The following ACMSD variants were observed in gnomAD, a reference collection of about 807,000 sequenced individuals.
ACMSD encodes 2-amino-3-carboxymuconate-6-semialdehyde decarboxylase.
Under a neutral mutation model 45.9 loss-of-function variants are expected in ACMSD, and 37 were observed. The observed-to-expected ratio is 0.81, with a 90% CI of 0.62 to 1.06. The LOEUF (loss-of-function observed/expected upper bound fraction) is 1.06. Ranked by LOEUF, ACMSD falls within the 50% of genes least tolerant of loss-of-function variation. The pLI is 0.00. For synonymous variants in ACMSD, 138 were observed against 148.8 expected, an observed-to-expected ratio of 0.93 and a Z score of 0.53; for missense variants, 434 against 420.9, an observed-to-expected ratio of 1.03 and a Z score of -0.27.
At chr2:134,864,466 T>C (rs183575607) in intron 5 of ACMSD, among the ~76,000 whole-genome samples, 9 of 152,314 alleles carry the variant, frequency 5.9e-5, no homozygotes, top group African/African-American at 2.2e-4. Context: ...ATCTATATTT[T>C]AATGAACCTG....
intron 2 of ACMSD, among the ~76,000 whole-genome samples, chr2:134,847,443 GAT>G (rs781247414): frequency 7.0e-6 from 1 of 142,302 alleles, no homozygotes; most frequent in Admixed American, 7.1e-5. Context: ...TAGATAGATA[GAT>G]AGATATAGAT....
intron 3 of ACMSD, chr2:134,859,639 TGTATA>T (rs1687754886): frequency 7.5e-6 from 2 of 265,994 alleles, no homozygotes; most frequent in Non-Finnish European, 1.4e-5. Flanking sequence ...TTAGTTCAAA[TGTATA>T]GTATTTACTT....
At chr2:134,863,015 G>A in intron 4 of ACMSD, 1 of 985,336 alleles carries the variant, frequency 1.0e-6, no homozygotes, top group South Asian at 4.7e-5. Context: ...GTGCCTTGAT[G>A]GTGGCCTGGG....
chr2:134,849,259 T>C (rs752131329), intron 2 of ACMSD, among the ~76,000 whole-genome samples: 5 of 107,282 alleles, frequency 4.7e-5, no homozygotes, highest in Non-Finnish European at 7.0e-5. Context: ...TATTTTCCAG[T>C]CACATCTACT....
rs753994093 is a variant in ACMSD at position 134,863,658 on chromosome 2, G to A, written c.486+27G>A. On this transcript the variant is annotated intron_variant, in intron 5 of 9. Transcript: ENST00000356140. ...TGAGTAGCGGGGCTGCTCAGCCAAC[G>A]CCAGCCGCCCAGTGCCTGGGCCGGG... 32 of 1,609,910 alleles carry A rather than the reference G, an allele frequency of 2.0e-5. No individual in the cohort carries two copies. The South Asian group carries it at 2.9e-4, about 14-fold the overall frequency.
rs868826586 is a variant in ACMSD at position 134,863,248 on chromosome 2, C to A, written c.250-147C>A. The A allele has an allele frequency of 5.6e-5, 55 of 986,168 alleles. 2 individuals carry two copies. The Middle Eastern group carries it at 0.011, about 205-fold the overall frequency. The allele number at this position is 986,168 out of a possible 1,614,324, so 61.1% of individuals were successfully genotyped here. On this transcript the variant is annotated intron_variant, in intron 4 of 9. Coordinates refer to ENST00000356140, the MANE Select transcript of ACMSD (RefSeq NM_138326.3). ...CTTCTCGGTTGTCTGTGGCCAGCAC[C>A]TTTCCCAATCTGTGCCTCTGTTTTC... is the stretch of plus-strand genomic sequence containing the variant.
At chr2:134,845,417 T>A in intron 2 of ACMSD, 140 bp downstream of exon 2, 1 of 843,776 alleles carries the variant, frequency 1.2e-6, no homozygotes, top group Non-Finnish European at 1.9e-6. Flanking sequence ...GGAACAGCAC[T>A]GAGATTTCTC....
chr2:134,854,752 C>T (rs1355093562), intron 2 of ACMSD, among the ~76,000 whole-genome samples: 1 of 152,214 alleles, frequency 6.6e-6, no homozygotes, highest in Non-Finnish European at 1.5e-5. Flanking sequence ...TTACTTCACA[C>T]ATAGGATGTG....
intron 6 of ACMSD, among the ~76,000 whole-genome samples, chr2:134,868,099 T>C (rs1388921289): frequency 6.6e-6 from 1 of 152,176 alleles, no homozygotes; most frequent in Non-Finnish European, 1.5e-5. Context: ...TAGTAAATTT[T>C]TTAGACGATG....
chr2:134,892,304 C>T (rs1470790068), intron 8 of ACMSD, among the ~76,000 whole-genome samples: 2 of 151,712 alleles, frequency 1.3e-5, no homozygotes, highest in Non-Finnish European at 2.9e-5. Context: ...AGATGACATA[C>T]ATGAATTGGG....
intron 8 of ACMSD, among the ~76,000 whole-genome samples, chr2:134,895,328 T>TTACATATATAATATATATATATATTATA (rs1553516998): frequency 7.1e-6 from 1 of 141,584 alleles, no homozygotes; most frequent in African/African-American, 2.6e-5. Context: ...TATATATATG[T>TTACATATATAATATATATATATATTATA]TATATATATA....
chr2:134,886,210 C>T (rs1314768176), intron 8 of ACMSD, among the ~76,000 whole-genome samples: 2 of 146,312 alleles, frequency 1.4e-5, no homozygotes, highest in African/African-American at 5.2e-5. Flanking sequence ...ATAAAAAGTA[C>T]TTGGCAAAAT....
rs901470526 is a variant in ACMSD at position 134,879,029 on chromosome 2, C to T, written c.849+6388C>T. Reference sequence around the variant, plus strand: ...AAATCTTTTGAGGTTATAACAAAGACATTATAGTCACATCTTGGCTTAATT... The same window carrying T: ...AAATCTTTTGAGGTTATAACAAAGATATTATAGTCACATCTTGGCTTAATT... On this transcript the variant is annotated intron_variant, in intron 8 of 9. Transcript: ENST00000356140. Among the ~76,000 whole-genome samples, 4 of 152,144 alleles carry T rather than the reference C, an allele frequency of 2.6e-5. No individual in the cohort carries two copies. The South Asian group carries it at 8.3e-4, about 32-fold the overall frequency.
intron 8 of ACMSD, among the ~76,000 whole-genome samples, chr2:134,895,353 T>TATATA (rs1690068758): frequency 7.1e-6 from 1 of 141,542 alleles, no homozygotes; most frequent in Non-Finnish European, 1.5e-5. Context: ...ATATATAACA[T>TATATA]ATATAATATA....
rs890862228 is a variant in ACMSD at position 134,887,275 on chromosome 2, A to T, written c.850-11066A>T. ...TAATCTTGAAAAAGAAAAATAAGTT[A>T]AAAACTTGCATTAACTGACCTCAAG... On this transcript the variant is annotated intron_variant, in intron 8 of 9. Coordinates refer to ENST00000356140, the MANE Select transcript of ACMSD (RefSeq NM_138326.3). 4.6e-5 allele frequency among the ~76,000 whole-genome samples: 7 copies of T among 152,358 alleles called. 1 individual carries two copies. Among genetic ancestry groups the T allele is most frequent in the Non-Finnish European group, 7.4e-5 (5 of 68,026 alleles).
intron 8 of ACMSD, among the ~76,000 whole-genome samples, chr2:134,889,162 G>A (rs541669757): frequency 6.8e-4 from 103 of 152,282 alleles, no homozygotes; most frequent in African/African-American, 2.4e-3. Context: ...AAGGTAATTA[G>A]AAATCTGAAG....
intron 8 of ACMSD, among the ~76,000 whole-genome samples, chr2:134,897,150 CA>C (rs1208357847): frequency 9.6e-5 from 14 of 145,188 alleles, no homozygotes; most frequent in Admixed American, 2.7e-4. Context: ...AATTATATCT[CA>C]AAAAAAAAAG....
In ACMSD at chr2:134,854,813, T is replaced by C. The variant is rs1288865911; in HGVS notation, c.103-4448T>C. On this transcript the variant is annotated intron_variant, in intron 2 of 9. Transcript: ENST00000356140. ...GCATGACAAGTATAATGATCCACAT[T>C]TTACAGACAGAAAAAGTGAGGCTTA... Among the ~76,000 whole-genome samples, 9 of 92,128 alleles carry C rather than the reference T, an allele frequency of 9.8e-5. No individual in the cohort carries two copies. In the South Asian group the frequency reaches 2.1e-3, roughly 21 times the overall value. 60.4% of individuals were successfully genotyped at this position (92,128 alleles called of 152,430 possible).
intron 2 of ACMSD, among the ~76,000 whole-genome samples, chr2:134,850,646 T>C (rs965228418): frequency 7.3e-6 from 1 of 136,844 alleles, no homozygotes; most frequent in Non-Finnish European, 1.5e-5. Context: ...CTTCAAATGT[T>C]TTTAAGAATA....
Sources: allele counts gnomAD v4.1 joint callset (sites outside exome capture counted in the v4.1 genomes callset), GRCh38; gene constraint gnomAD v4.1.1; transcripts MANE v1.5; gene names NCBI Gene and HGNC (gene_info 2026-07-23, HGNC 2026-07-21).